Variants in MS4A7 observed in about 807,000 individuals in gnomAD.
MS4A7 encodes membrane spanning 4-domains A7.
A neutral mutation model predicts 23.5 loss-of-function variants in MS4A7; 21 were observed. That is an observed-to-expected ratio of 0.89 (90% CI 0.63 to 1.29). MS4A7 has a LOEUF of 1.29. Among genes scored for constraint, MS4A7 ranks in the 50% most tolerant of loss-of-function variants. The probability of loss-of-function intolerance (pLI) is 0.00; values close to 1 mark genes in which losing one functional copy is unlikely to be tolerated. For synonymous variants in MS4A7, 111 were observed against 107.4 expected (o/e 1.03, Z -0.21); for missense variants, 263 against 274.2 (o/e 0.96, Z 0.29).
Position 60,394,726 on chromosome 11 carries a change from C to T in MS4A7, c.*865C>T, listed in dbSNP as rs184754877. ...CTGAGGCAGAAGAATCACTTGAACC[C>T]GGGAAGGGGAGGTTGCAGTGAGCGG... On this transcript the variant is annotated 3_prime_UTR_variant, in exon 7 of 7. Transcript: ENST00000300184. 4.3e-5 allele frequency: 10 copies of T among 231,908 alleles called. No individual in the cohort carries two copies. The highest frequency in any genetic ancestry group is 2.4e-4 in the East Asian group (3 of 12,504). 14.4% of individuals were successfully genotyped at this position (231,908 alleles called of 1,614,324 possible).
Position 60,383,079 on chromosome 11 carries a change from G to T in MS4A7, c.-13-50G>T, listed in dbSNP as rs2085447152. 7 of 1,587,256 alleles carry T rather than the reference G, an allele frequency of 4.4e-6. 1 individual carries two copies. Among genetic ancestry groups the T allele is most frequent in the Admixed American group, 3.4e-5 (2 of 58,174 alleles). On this transcript the variant is annotated intron_variant, in intron 1 of 6. Transcript: ENST00000300184. ...AAAGTATGGTCCCTGGGAAGTTTAT[G>T]TCTGTAAGTCAAACCTTGGGAAGTA...
intron 5 of MS4A7, among the ~76,000 whole-genome samples, chr11:60,392,098 CAA>C (rs1052219595): frequency 2.0e-5 from 3 of 151,684 alleles, no homozygotes; most frequent in Admixed American, 6.6e-5. Flanking sequence ...TTCAAGGAAA[CAA>C]AGAGTGAAAT....
intron 3 of MS4A7, 39 bp downstream of exon 3, chr11:60,385,261 T>C (rs1272800929): frequency 6.2e-7 from 1 of 1,612,296 alleles, no homozygotes; most frequent in Admixed American, 1.7e-5. Flanking sequence ...ACATGCTTTA[T>C]AAATGCTAAC....
At position 60,386,792 on chromosome 11, in the gene MS4A7, A is replaced by C; in HGVS notation, c.339+19A>C. On this transcript the variant is annotated intron_variant, in intron 4 of 6. Transcript: ENST00000300184. ...GCCCTTTGTAAGTATAAGGACCATC[A>C]AATCTCAGCTGGTTGGAATTGAAGG... 1 of 1,580,524 alleles carries C rather than the reference A, an allele frequency of 6.3e-7. No homozygotes were observed. The highest frequency in any genetic ancestry group is 8.7e-7 in the Non-Finnish European group (1 of 1,154,458).
At chr11:60,390,733 A>AAAGG (rs1264579134) in intron 5 of MS4A7, among the ~76,000 whole-genome samples, 1 of 152,196 alleles carries the variant, frequency 6.6e-6, no homozygotes, top group East Asian at 1.9e-4. Context: ...ATTCTGAGAC[A>AAAGG]ACTGGAGTCC....
rs2085594314 is a variant in MS4A7 at position 60,394,737 on chromosome 11, G to C, written c.*876G>C. ...GAATCACTTGAACCCGGGAAGGGGAGGTTGCAGTGAGCGGAGACTGCACCA... is the reference window on the plus strand; with the variant it reads ...GAATCACTTGAACCCGGGAAGGGGACGTTGCAGTGAGCGGAGACTGCACCA... On this transcript the variant is annotated 3_prime_UTR_variant, in exon 7 of 7. Coordinates refer to ENST00000300184, the MANE Select transcript of MS4A7 (RefSeq NM_021201.5). 1 of 247,830 alleles carries C rather than the reference G, an allele frequency of 4.0e-6. No homozygotes were observed. Among genetic ancestry groups the C allele is most frequent in the Non-Finnish European group, 7.5e-6 (1 of 133,726 alleles). The allele number at this position is 247,830 out of a possible 1,614,324, so 15.4% of individuals were successfully genotyped here. A position where few individuals can be genotyped will look rare whatever the true frequency, so the allele number is the denominator to read the frequency against.
Position 60,394,908 on chromosome 11 carries a change from CGTT to C in MS4A7, c.*1049_*1051del, listed in dbSNP as rs1565170415. The C allele has an allele frequency of 1.7e-6, 1 of 585,710 alleles. No homozygotes were observed. Among genetic ancestry groups the C allele is most frequent in the Middle Eastern group, 2.9e-4 (1 of 3,426 alleles). The allele number at this position is 585,710 out of a possible 1,614,324, so 36.3% of individuals were successfully genotyped here. Reference sequence around the variant, plus strand: ...AATAAAATAAAAAAGAATATTCAGTCGTTGGCACATAAACTATGTTCTCTTCTG... The same window carrying C: ...AATAAAATAAAAAAGAATATTCAGTCGGCACATAAACTATGTTCTCTTCTG... On this transcript the variant is annotated 3_prime_UTR_variant, in exon 7 of 7. Transcript: ENST00000300184.
At position 60,385,087 on chromosome 11, in the gene MS4A7, G is replaced by A; in HGVS notation, c.148-1G>A. The stretch of plus-strand genomic sequence containing the variant: ...TAGATTTCCTGTCTTCTCTCTTGTA[G>A]ACTGTCCAGATCCTGTGTTGCCTGT... On this transcript the variant is annotated splice_acceptor_variant, in intron 2 of 6. Coordinates refer to ENST00000300184, the MANE Select transcript of MS4A7 (RefSeq NM_021201.5). LOFTEE classifies it high-confidence loss of function. 2 of 1,613,630 alleles carry A rather than the reference G, an allele frequency of 1.2e-6. No homozygotes were observed. The highest frequency in any genetic ancestry group is 1.7e-6 in the Non-Finnish European group (2 of 1,179,652).
chr11:60,390,360 T>C (rs974836422), intron 5 of MS4A7, among the ~76,000 whole-genome samples: 1 of 152,188 alleles, frequency 6.6e-6, no homozygotes, highest in Non-Finnish European at 1.5e-5. Flanking sequence ...GTTAAAACCA[T>C]AAACCAGTGG....
At chr11:60,391,690 G>A (rs939910854) in intron 5 of MS4A7, among the ~76,000 whole-genome samples, 3 of 152,012 alleles carry the variant, frequency 2.0e-5, no homozygotes, top group Non-Finnish European at 2.9e-5. Context: ...AGGCTGAGGC[G>A]GGTGGATCAC....
chr11:60,387,134 T>A (rs914149844), intron 4 of MS4A7, among the ~76,000 whole-genome samples: 4 of 152,204 alleles, frequency 2.6e-5, no homozygotes, highest in African/African-American at 9.7e-5. Flanking sequence ...AGCCTACAGA[T>A]CCTTTTTTCT....
At chr11:60,380,910 G>C (rs1442992547) in intron 1 of MS4A7, among the ~76,000 whole-genome samples, 1 of 152,164 alleles carries the variant, frequency 6.6e-6, no homozygotes, top group Non-Finnish European at 1.5e-5. Context: ...ATATAGAAGA[G>C]CTCTGGTGTT....
rs2085593804 is a variant in MS4A7, at chr11:60,394,698, A to T, written c.*837A>T. ...GCACCTGTAGTTCCAGCTACTTGGG[A>T]GGCTGAGGCAGAAGAATCACTTGAA... is the stretch of plus-strand genomic sequence containing the variant. On this transcript the variant is annotated 3_prime_UTR_variant, in exon 7 of 7. Transcript: ENST00000300184. The T allele has an allele frequency of 4.9e-6, 1 of 205,154 alleles. No individual in the cohort carries two copies. The highest frequency in any genetic ancestry group is 9.5e-6 in the Non-Finnish European group (1 of 105,140). 12.7% of individuals were successfully genotyped at this position (205,154 alleles called of 1,614,324 possible).
At position 60,389,373 on chromosome 11, in the gene MS4A7, CAG is replaced by C. The variant is rs750967382; in HGVS notation, c.340-14_340-13del. The C allele has an allele frequency of 5.6e-6, 9 of 1,593,324 alleles. No homozygotes were observed. In the South Asian group the frequency reaches 1.0e-4, roughly 18 times the overall value. On this transcript the variant is annotated splice_polypyrimidine_tract_variant and intron_variant, in intron 4 of 6. Transcript: ENST00000300184. ...CTGATTCTGTGATGAGAACCCAATG[CAG>C]AGTTTCTCTTCCAGGACCTGAGCAG... is the stretch of plus-strand genomic sequence containing the variant.
At chr11:60,392,553 G>C (rs1193517377) in intron 5 of MS4A7, 132 bp from the exon 6 acceptor site, 1 of 636,664 alleles carries the variant, frequency 1.6e-6, no homozygotes, top group Non-Finnish European at 2.8e-6. Flanking sequence ...AAAGAAAGCA[G>C]AAAAGAGGAT....
intron 5 of MS4A7, 80 bp from the exon 6 acceptor site, chr11:60,392,605 C>A: frequency 3.0e-6 from 3 of 996,480 alleles, no homozygotes; most frequent in South Asian, 1.4e-5. Flanking sequence ...ATTGCTGGAG[C>A]CTCATCGCCC....
In MS4A7 at chr11:60,395,877, T is replaced by C. The variant is rs2135115162; in HGVS notation, c.*2016T>C. 1.3e-5 allele frequency: 2 copies of C among 152,268 alleles called. No individual in the cohort carries two copies. The highest frequency in any genetic ancestry group is 4.8e-5 in the African/African-American group (2 of 41,560). The allele number at this position is 152,268 out of a possible 1,614,324, so 9.4% of individuals were successfully genotyped here. A position where few individuals can be genotyped will look rare whatever the true frequency, so the allele number is the denominator to read the frequency against. ...TGGAATGTATATGTATATCAAAACATGTAGTACACCCTAAATATATATAAT... is the reference window on the plus strand; with the variant it reads ...TGGAATGTATATGTATATCAAAACACGTAGTACACCCTAAATATATATAAT... On this transcript the variant is annotated 3_prime_UTR_variant, in exon 7 of 7. Transcript: ENST00000300184.
intron 3 of MS4A7, 56 bp downstream of exon 3, chr11:60,385,278 C>T (rs764411839): frequency 1.1e-4 from 184 of 1,604,780 alleles, no homozygotes; most frequent in Non-Finnish European, 1.5e-4. Flanking sequence ...TAACCAGGTG[C>T]ATAGTCGTGG....
intron 4 of MS4A7, chr11:60,389,137 G>A: frequency 2.1e-6 from 1 of 466,474 alleles, no homozygotes; most frequent in Non-Finnish European, 3.9e-6. Context: ...AGAGTCAATG[G>A]GCCAGAACCC....
Sources: allele counts gnomAD v4.1 joint callset (sites outside exome capture counted in the v4.1 genomes callset), GRCh38; gene constraint gnomAD v4.1.1; transcripts MANE v1.5; gene names NCBI Gene and HGNC (gene_info 2026-07-23, HGNC 2026-07-21).